SLC25A48: variants seen among roughly 807,000 people sequenced by gnomAD.
SLC25A48 encodes solute carrier family 25 member 48.
Under a neutral mutation model 32.2 loss-of-function variants are expected in SLC25A48, and 29 were observed. That is an observed-to-expected ratio of 0.90 (90% CI 0.67 to 1.23). SLC25A48 has a LOEUF of 1.23. Ranked by LOEUF, SLC25A48 falls within the 50% of genes most tolerant of loss-of-function variation. The pLI is 0.00. For synonymous variants in SLC25A48, 164 were observed against 172.3 expected, an observed-to-expected ratio of 0.95 and a Z score of 0.38; for missense variants, 399 against 422.7, an observed-to-expected ratio of 0.94 and a Z score of 0.49.
chr5:135,643,386 A>T (rs914412071), intron 3 of SLC25A48, among the ~76,000 whole-genome samples: 1 of 152,172 alleles, frequency 6.6e-6, no homozygotes, highest in African/African-American at 2.4e-5. Flanking sequence ...CCAATTCAGA[A>T]TGTCAGTCAG....
At chr5:135,689,211 G>A (rs1754088177) in intron 3 of SLC25A48, among the ~76,000 whole-genome samples, 2 of 152,104 alleles carry the variant, frequency 1.3e-5, no homozygotes, top group Non-Finnish European at 2.9e-5. Flanking sequence ...AGACCCTCTT[G>A]GACCTATCAG....
chr5:135,658,914 G>A (rs1341394587), intron 3 of SLC25A48, among the ~76,000 whole-genome samples: 3 of 152,212 alleles, frequency 2.0e-5, no homozygotes, highest in Non-Finnish European at 4.4e-5. Context: ...ACAGAGCAGC[G>A]GGGCCCTGGG....
intron 3 of SLC25A48, among the ~76,000 whole-genome samples, chr5:135,733,888 T>C (rs933690404): frequency 2.0e-5 from 3 of 151,712 alleles, no homozygotes; most frequent in African/African-American, 7.3e-5. Flanking sequence ...GAGGGAGGTA[T>C]TGAGGATAGA....
chr5:135,719,430 G>C (rs966476074), intron 3 of SLC25A48, among the ~76,000 whole-genome samples: 3 of 152,108 alleles, frequency 2.0e-5, no homozygotes, highest in African/African-American at 7.2e-5. Context: ...AGAAGTTGGG[G>C]AGAAGCACAA....
intron 3 of SLC25A48, among the ~76,000 whole-genome samples, chr5:135,639,521 A>G (rs1260158944): frequency 1.3e-5 from 2 of 152,174 alleles, no homozygotes; most frequent in Admixed American, 1.3e-4. Context: ...GTGTTTGTGT[A>G]TAGGCGGGGA....
At chr5:135,728,102 A>G (rs1580819033) in intron 3 of SLC25A48, among the ~76,000 whole-genome samples, 2 of 152,124 alleles carry the variant, frequency 1.3e-5, no homozygotes, top group African/African-American at 4.8e-5. Flanking sequence ...ACTAAAATAC[A>G]ACAATTAGCT....
intron 3 of SLC25A48, among the ~76,000 whole-genome samples, chr5:135,798,712 G>T (rs980158664): frequency 6.6e-6 from 1 of 151,436 alleles, no homozygotes; most frequent in Non-Finnish European, 1.5e-5. Flanking sequence ...CTCTCCCTGT[G>T]ATATGGTCCC....
chr5:135,791,378 G>T (rs1340472672), intron 3 of SLC25A48, among the ~76,000 whole-genome samples: 1 of 151,714 alleles, frequency 6.6e-6, no homozygotes, highest in Non-Finnish European at 1.5e-5. Flanking sequence ...TACTCCTAAT[G>T]TCACAGCGGG....
intron 3 of SLC25A48, among the ~76,000 whole-genome samples, chr5:135,675,718 C>T (rs139033489): frequency 7.9e-4 from 120 of 151,834 alleles, no homozygotes; most frequent in African/African-American, 2.6e-3. Flanking sequence ...TTTAGGGTTA[C>T]GTTTTAGAAT....
At chr5:135,692,853 T>C (rs921457467) in intron 3 of SLC25A48, among the ~76,000 whole-genome samples, 6 of 152,190 alleles carry the variant, frequency 3.9e-5, no homozygotes, top group African/African-American at 1.4e-4. Context: ...TGTTTTCCAA[T>C]GGAGCTGGAT....
At chr5:135,611,375 C>T (rs571603454) in intron 1 of SLC25A48, among the ~76,000 whole-genome samples, 10 of 151,024 alleles carry the variant, frequency 6.6e-5, no homozygotes, top group South Asian at 4.2e-4. Flanking sequence ...ATTAGCTGGT[C>T]TTGGTGGTGT....
chr5:135,858,124 C>G (rs988661240), intron 4 of SLC25A48, among the ~76,000 whole-genome samples: 3 of 152,102 alleles, frequency 2.0e-5, no homozygotes, highest in Non-Finnish European at 4.4e-5. Context: ...AGAAGGAAAC[C>G]AGTTCTCTTA....
chr5:135,886,693 AGAGAGAGAGT>A (rs1400982230), intron 7 of SLC25A48, among the ~76,000 whole-genome samples: 5 of 138,834 alleles, frequency 3.6e-5, no homozygotes, highest in African/African-American at 1.4e-4. Flanking sequence ...AGAGAGAGAG[AGAGAGAGAGT>A]GTGTGTGTGT....
At chr5:135,807,134 C>T (rs1350449246) in intron 3 of SLC25A48, among the ~76,000 whole-genome samples, 1 of 150,300 alleles carries the variant, frequency 6.7e-6, no homozygotes, top group Admixed American at 6.6e-5. Context: ...TCAAAGATAT[C>T]TTATGAATAT....
chr5:135,780,605 C>A lies in SLC25A48; in HGVS notation c.-520-31918C>A, dbSNP rs1756696413. Among the ~76,000 whole-genome samples, 4 of 116,936 alleles carry A rather than the reference C, an allele frequency of 3.4e-5. 1 individual carries two copies. The highest frequency in any genetic ancestry group is 4.2e-5 in the Non-Finnish European group (2 of 47,470). The allele number at this position is 116,936 out of a possible 152,430, so 76.7% of individuals were successfully genotyped here. A position where few individuals can be genotyped will look rare whatever the true frequency, so the allele number is the denominator to read the frequency against. On this transcript the variant is annotated intron_variant, in intron 3 of 10. Transcript: ENST00000646290. ...TCTCAATATCGCAGGTGGCATATAA[C>A]CCCTCTGTGATATTGTTTCTAATAT...
chr5:135,611,894 G>A (rs1256036096), intron 1 of SLC25A48, among the ~76,000 whole-genome samples: 1 of 152,172 alleles, frequency 6.6e-6, no homozygotes, highest in East Asian at 1.9e-4. Flanking sequence ...AAAAGACACA[G>A]CTGTTGAAAA....
At chr5:135,685,668 C>T (rs1421801582) in intron 3 of SLC25A48, among the ~76,000 whole-genome samples, 1 of 152,362 alleles carries the variant, frequency 6.6e-6, no homozygotes, top group East Asian at 1.9e-4. Context: ...AGGTGATCCA[C>T]CCACCTCGGC....
chr5:135,857,640 AG>A (rs1760442657), intron 4 of SLC25A48, among the ~76,000 whole-genome samples: 1 of 152,242 alleles, frequency 6.6e-6, no homozygotes, highest in South Asian at 2.1e-4. Flanking sequence ...TGTGGCATCC[AG>A]CTGAGAGCCA....
chr5:135,859,568 G>A (rs1445134946), intron 4 of SLC25A48, among the ~76,000 whole-genome samples: 4 of 152,210 alleles, frequency 2.6e-5, no homozygotes, highest in South Asian at 4.1e-4. Flanking sequence ...GGGAGACAGA[G>A]TTATTCCTCA....
Sources: gnomAD v4.1 joint callset for allele counts (sites outside exome capture counted in the v4.1 genomes callset) on GRCh38, gnomAD v4.1.1 for gene constraint, MANE v1.5 for transcripts, NCBI Gene and HGNC (gene_info 2026-07-23, HGNC 2026-07-21) for gene names.